Variants in LRRC28 observed in about 807,000 individuals in gnomAD.
LRRC28 encodes the protein leucine rich repeat containing 28.
A neutral mutation model predicts 45.7 loss-of-function variants in LRRC28; 39 were observed. That is an observed-to-expected ratio of 0.85 (90% CI 0.66 to 1.12). The LOEUF is 1.12. Among genes scored for constraint, LRRC28 ranks in the 50% most tolerant of loss-of-function variants. The probability of loss-of-function intolerance (pLI) is 0.00; values close to 1 mark genes in which losing one functional copy is unlikely to be tolerated. For synonymous variants in LRRC28, 206 were observed against 178.8 expected (o/e 1.15, Z -1.22); for missense variants, 435 against 438.5 (o/e 0.99, Z 0.07).
intron 7 of LRRC28, among the ~76,000 whole-genome samples, chr15:99,360,496 A>T (rs1957170575): frequency 6.6e-6 from 1 of 152,158 alleles, no homozygotes; most frequent in South Asian, 2.1e-4. Flanking sequence ...TGATGGAGAG[A>T]AAGAACAAAT....
chr15:99,342,485 C>T (rs1323208053), intron 6 of LRRC28, among the ~76,000 whole-genome samples: 1 of 152,200 alleles, frequency 6.6e-6, no homozygotes, highest in Non-Finnish European at 1.5e-5. Context: ...AATATTAGCA[C>T]CTACTTCATA....
rs763401613 is a variant in LRRC28 at position 99,259,656 on chromosome 15, G to A, written c.168+3531G>A. 10 of 1,410,504 alleles carry A rather than the reference G, an allele frequency of 7.1e-6. 1 individual carries two copies. Among genetic ancestry groups the A allele is most frequent in the Middle Eastern group, 1.8e-4 (1 of 5,686 alleles). The allele number at this position is 1,410,504 out of a possible 1,614,324, so 87.4% of individuals were successfully genotyped here. A position where few individuals can be genotyped will look rare whatever the true frequency, so the allele number is the denominator to read the frequency against. On this transcript the variant is annotated intron_variant, in intron 2 of 9. Transcript: ENST00000301981. ...ATCTCTACAAATTACCATGCGAGTC[G>A]GAAGAAAACATTTGAAATTAATCCC...
At chr15:99,264,380 A>G (rs887542939) in intron 2 of LRRC28, among the ~76,000 whole-genome samples, 3 of 152,222 alleles carry the variant, frequency 2.0e-5, no homozygotes, top group African/African-American at 7.2e-5. Context: ...AGGCTCAGCA[A>G]AAGCGGGGAG....
intron 5 of LRRC28, among the ~76,000 whole-genome samples, chr15:99,324,091 C>G (rs1224603124): frequency 6.6e-6 from 1 of 152,088 alleles, no homozygotes; most frequent in Non-Finnish European, 1.5e-5. Flanking sequence ...TCCAAGACCC[C>G]CCGTGGGTGC....
chr15:99,363,081 T>C, intron 8 of LRRC28, 25 bp from the exon 9 acceptor site: 1 of 1,589,972 alleles, frequency 6.3e-7, no homozygotes, highest in Non-Finnish European at 8.6e-7. Flanking sequence ...TTTACTCGTG[T>C]GCGTGATTTT....
At chr15:99,259,097 G>A in intron 2 of LRRC28, 1 of 1,222,416 alleles carries the variant, frequency 8.2e-7, no homozygotes, top group Non-Finnish European at 1.2e-6. Flanking sequence ...CATTAAGCTT[G>A]GTGTAATTGA....
chr15:99,289,663 G>A (rs960487590), intron 5 of LRRC28, among the ~76,000 whole-genome samples: 1 of 152,002 alleles, frequency 6.6e-6, no homozygotes, highest in Admixed American at 6.6e-5. Context: ...GCCGGGCGCG[G>A]TGGCTCACGC....
At position 99,322,754 on chromosome 15, in the gene LRRC28, C is replaced by A. The variant is rs1228035939; in HGVS notation, c.386-11169C>A. Among the ~76,000 whole-genome samples the A allele has an allele frequency of 2.6e-5, 4 of 152,178 alleles. No homozygotes were observed. The East Asian group carries it at 7.7e-4, about 29-fold the overall frequency. On this transcript the variant is annotated intron_variant, in intron 5 of 9. Coordinates refer to ENST00000301981, the MANE Select transcript of LRRC28 (RefSeq NM_144598.5). ...TTTCAGCAAGGAGATAATGGTGCCT[C>A]CTGTGTTCCAGGCACAGAGCTAAGG...
chr15:99,380,658 G>T (rs986366054), intron 9 of LRRC28, among the ~76,000 whole-genome samples: 3 of 152,158 alleles, frequency 2.0e-5, no homozygotes, highest in African/African-American at 7.2e-5. Flanking sequence ...CCATGTTTCT[G>T]CAGTGGCTGG....
At chr15:99,315,901 A>C (rs1462844575) in intron 5 of LRRC28, among the ~76,000 whole-genome samples, 1 of 152,172 alleles carries the variant, frequency 6.6e-6, no homozygotes, top group Non-Finnish European at 1.5e-5. Flanking sequence ...CCTGTCTCCA[A>C]AAAAAGAAAA....
rs1289006199 is a variant in LRRC28 at position 99,385,286 on chromosome 15, G to T, written c.1032-744G>T. 2.0e-5 allele frequency among the ~76,000 whole-genome samples: 3 copies of T among 152,214 alleles called. No individual in the cohort carries two copies. In the East Asian group the frequency reaches 5.8e-4, roughly 29 times the overall value. ...AAGTCTACAGAGGTCCCCTTCCTGG[G>T]CCACAGGGAAAGGCGGACTGTGTTG... On this transcript the variant is annotated intron_variant, in intron 9 of 9. Coordinates refer to ENST00000301981, the MANE Select transcript of LRRC28 (RefSeq NM_144598.5).
intron 2 of LRRC28, among the ~76,000 whole-genome samples, chr15:99,269,093 T>C (rs973695125): frequency 3.3e-5 from 5 of 152,184 alleles, no homozygotes; most frequent in Non-Finnish European, 5.9e-5. Flanking sequence ...TATTTTGAGC[T>C]CATTCTGTAA....
chr15:99,385,557 C>G (rs1957957558), intron 9 of LRRC28, among the ~76,000 whole-genome samples: 1 of 152,216 alleles, frequency 6.6e-6, no homozygotes, highest in South Asian at 2.1e-4. Context: ...TACGAGCAAC[C>G]TATGTGTATG....
At chr15:99,285,603 C>T (rs1254934304) in intron 3 of LRRC28, 13 of 689,238 alleles carry the variant, frequency 1.9e-5, no homozygotes, top group Middle Eastern at 5.4e-4. Flanking sequence ...GAGACTTTAA[C>T]GATGCTTCCT....
At chr15:99,275,018 T>C (rs188867970) in intron 2 of LRRC28, among the ~76,000 whole-genome samples, 5 of 152,148 alleles carry the variant, frequency 3.3e-5, no homozygotes, top group African/African-American at 1.2e-4. Context: ...AAAAAAAAAT[T>C]AGTTTTGACT....
Position 99,356,837 on chromosome 15 carries a change from ATTG to A in LRRC28, c.695+4369_695+4371del, listed in dbSNP as rs376219438. Among the ~76,000 whole-genome samples, 518 of 152,338 alleles carry A rather than the reference ATTG, an allele frequency of 3.4e-3. 3 individuals carry two copies. The highest frequency in any genetic ancestry group is 0.012 in the African/African-American group (507 of 41,576). The stretch of plus-strand genomic sequence containing the variant: ...ACATACAAAGGAGTAATTCAAAAAG[ATTG>A]TTAATTTCTCATCAGAAACTTTGAA... On this transcript the variant is annotated intron_variant, in intron 7 of 9. Coordinates refer to ENST00000301981, the MANE Select transcript of LRRC28 (RefSeq NM_144598.5).
chr15:99,299,888 G>A (rs1392080732), intron 5 of LRRC28, among the ~76,000 whole-genome samples: 1 of 152,208 alleles, frequency 6.6e-6, no homozygotes, highest in Non-Finnish European at 1.5e-5. Context: ...GGCTGTGAAA[G>A]TGAGGAAGCA....
intron 5 of LRRC28, among the ~76,000 whole-genome samples, chr15:99,326,010 C>G (rs533427671): frequency 5.3e-5 from 8 of 152,188 alleles, no homozygotes; most frequent in African/African-American, 9.6e-5. Context: ...TGGTAATAGG[C>G]TGAGCTTGGT....
intron 6 of LRRC28, among the ~76,000 whole-genome samples, chr15:99,347,500 T>A (rs1956731096): frequency 6.6e-6 from 1 of 152,152 alleles, no homozygotes; most frequent in African/African-American, 2.4e-5. Flanking sequence ...GAGCTCTTTT[T>A]AAAAAAATAC....
Sources: gnomAD v4.1 joint callset for allele counts (sites outside exome capture counted in the v4.1 genomes callset) on GRCh38, gnomAD v4.1.1 for gene constraint, MANE v1.5 for transcripts, NCBI Gene and HGNC (gene_info 2026-07-23, HGNC 2026-07-21) for gene names.